The following NSD2 variants were observed in gnomAD, a reference collection of about 807,000 sequenced individuals.
NSD2 encodes the protein histone-lysine N-methyltransferase NSD2.
Under a neutral mutation model 139.0 loss-of-function variants are expected in NSD2, and 12 were observed. That is an observed-to-expected ratio of 0.09 (90% CI 0.06 to 0.14). The LOEUF (loss-of-function observed/expected upper bound fraction) is 0.14, where lower values mean the gene tolerates loss of function less well. Ranked by LOEUF, NSD2 falls within the 10% of genes least tolerant of loss-of-function variation. The pLI is 1.00. For missense variants in NSD2, 1,155 were observed against 1,745.0 expected, an observed-to-expected ratio of 0.66 and a Z score of 6.02; for synonymous variants, 669 against 648.7, an observed-to-expected ratio of 1.03 and a Z score of -0.48.
In NSD2 at chr4:1,956,240, A is replaced by C; in HGVS notation, c.2881+52A>C. Reference sequence around the variant, plus strand: ...AGACAGCACTCTCGTGCATTTTCTTACCCCTAATTTCTATTTTTTAAAATT... The same window carrying C: ...AGACAGCACTCTCGTGCATTTTCTTCCCCCTAATTTCTATTTTTTAAAATT... On this transcript the variant is annotated intron_variant, in intron 15 of 21. Coordinates refer to ENST00000508803, the MANE Select transcript of NSD2 (RefSeq NM_001042424.3). This position sits in a 1 kb window ranked among gnomAD's most constrained non-coding sequence, Gnocchi z 5.3. 6.9e-7 allele frequency: 1 copy of C among 1,455,566 alleles called. No individual in the cohort carries two copies. The highest frequency in any genetic ancestry group is 9.2e-7 in the Non-Finnish European group (1 of 1,084,122). 90.2% of individuals were successfully genotyped at this position (1,455,566 alleles called of 1,614,324 possible). A position where few individuals can be genotyped will look rare whatever the true frequency, so the allele number is the denominator to read the frequency against.
Position 1,918,288 on chromosome 4 carries a change from G to A in NSD2, c.1075G>A (p.Val359Ile). 1 of 1,614,022 alleles carries A rather than the reference G, an allele frequency of 6.2e-7. No individual in the cohort carries two copies. Among genetic ancestry groups the A allele is most frequent in the Admixed American group, 1.7e-5 (1 of 59,988 alleles). ...VGDQLHLNPQ[V>I]AKEAGIAAES... ...GGACCAGCTTCATCTCAACCCTCAAGTAGCCAAGGAGGCTGGCATTGCTGC... is the reference window on the plus strand; with the variant it reads ...GGACCAGCTTCATCTCAACCCTCAAATAGCCAAGGAGGCTGGCATTGCTGC... The change falls in exon 5 of 22, where the codon GTA becomes ATA. Residue 359 changes from valine (V) to isoleucine (I), a missense_variant. Transcript: ENST00000508803.
At chr4:1,947,829 G>A in intron 9 of NSD2, 1 of 1,049,550 alleles carries the variant, frequency 9.5e-7, no homozygotes, top group East Asian at 5.5e-5. Flanking sequence ...TATTCAAGTT[G>A]TGAAGGGATT....
chr4:1,970,586 G>C (rs564519941), intron 18 of NSD2, among the ~76,000 whole-genome samples: 104 of 152,290 alleles, frequency 6.8e-4, no homozygotes, highest in Non-Finnish European at 1.1e-3. Context: ...GGAGCAGGGA[G>C]AAAGGAGGGT....
intron 21 of NSD2, 85 bp from the exon 22 acceptor site, chr4:1,978,553 C>CA: frequency 2.0e-6 from 3 of 1,519,186 alleles, no homozygotes; most frequent in Non-Finnish European, 1.8e-6. Flanking sequence ...TTTGACCTGA[C>CA]AGTTGTAAGT....
intron 1 of NSD2, among the ~76,000 whole-genome samples, chr4:1,875,071 C>T (rs1714148845): frequency 6.6e-6 from 1 of 152,146 alleles, no homozygotes; most frequent in Admixed American, 6.6e-5. Context: ...AAGCTTTCCT[C>T]CCAGCTCATT....
rs1300478069 is a variant in NSD2, at chr4:1,953,300, A to G, written c.2138-24A>G. 3.7e-6 allele frequency: 6 copies of G among 1,613,882 alleles called. No homozygotes were observed. In the East Asian group the frequency reaches 8.9e-5, roughly 24 times the overall value. ...TCTTGTTCTTTGCACCTCTCTCTCC[A>G]CCCCTTCTTTAACTTTTTGTTAGGG... On this transcript the variant is annotated intron_variant, in intron 11 of 21. Transcript: ENST00000508803.
At position 1,976,583 on chromosome 4, in the gene NSD2, C is replaced by T. The variant is rs376629334; in HGVS notation, c.3730C>T (p.Arg1244Cys). Residue 1244 changes from arginine (R) to cysteine (C), a missense_variant, in exon 21 of 22, where the codon CGC (arginine) becomes TGC (cysteine). Arg to Cys is a radical substitution (Grantham distance 180). This residue lies in a region of NSD2 where 25 missense variants were observed against 75.1 expected (regional missense o/e 0.33). Coordinates refer to ENST00000508803, the MANE Select transcript of NSD2 (RefSeq NM_001042424.3). The surrounding 1 kb of genome is among the most constrained non-coding windows in gnomAD (Gnocchi z 5.3). ...GAGGCAGTCAGAGGACGAGTGCTTCCGCTGCGGTGATGGCGGGCAGCTGGT... is the reference window on the plus strand; with the variant it reads ...GAGGCAGTCAGAGGACGAGTGCTTCTGCTGCGGTGATGGCGGGCAGCTGGT... ...GKRQSEDECFRCGDGGQLVLC... is the reference protein window; with the variant it reads ...GKRQSEDECFCCGDGGQLVLC... 6 of 1,612,850 alleles carry T rather than the reference C, an allele frequency of 3.7e-6. No homozygotes were observed. The highest frequency in any genetic ancestry group is 2.2e-5 in the East Asian group (1 of 44,822).
At chr4:1,873,701 A>C (rs1714040760) in intron 1 of NSD2, among the ~76,000 whole-genome samples, 1 of 152,250 alleles carries the variant, frequency 6.6e-6, no homozygotes, top group Admixed American at 6.5e-5. Context: ...CAGAATGTGA[A>C]CTTTTTTTGT....
chr4:1,939,522 G>C, intron 8 of NSD2, 132 bp from the exon 9 acceptor site: 1 of 955,468 alleles, frequency 1.0e-6, no homozygotes, highest in Non-Finnish European at 1.6e-6. Flanking sequence ...ATGATAGAAA[G>C]TTAAGCCAGA....
chr4:1,877,176 T>C (rs1714324652), intron 1 of NSD2, among the ~76,000 whole-genome samples: 1 of 152,196 alleles, frequency 6.6e-6, no homozygotes, highest in Admixed American at 6.5e-5. Flanking sequence ...AGAGGATCTG[T>C]GCATGTTAGC....
intron 9 of NSD2, chr4:1,946,526 C>G: frequency 1.0e-6 from 1 of 1,004,922 alleles, no homozygotes; most frequent in Non-Finnish European, 1.2e-6. Flanking sequence ...GCCTCACCCT[C>G]CCAAAATGCT....
chr4:1,904,985 C>T (rs1378727378), intron 3 of NSD2, among the ~76,000 whole-genome samples: 1 of 152,102 alleles, frequency 6.6e-6, no homozygotes, highest in Non-Finnish European at 1.5e-5. Flanking sequence ...ACAAAATTAG[C>T]CGGACGTGGT....
At chr4:1,940,149 G>A (rs1006659513) in intron 9 of NSD2, 1 of 1,132,086 alleles carries the variant, frequency 8.8e-7, no homozygotes. Flanking sequence ...CACAGTGTCA[G>A]TTGAGCTGAC....
At chr4:1,945,717 G>C in intron 9 of NSD2, 1 of 1,063,612 alleles carries the variant, frequency 9.4e-7, no homozygotes, top group African/African-American at 1.6e-5. Flanking sequence ...GAGTTGAAAG[G>C]GTTGCCTTGG....
At chr4:1,925,215 T>C (rs1720707485) in intron 5 of NSD2, among the ~76,000 whole-genome samples, 2 of 152,092 alleles carry the variant, frequency 1.3e-5, no homozygotes, top group African/African-American at 4.8e-5. Context: ...CACACAAGGA[T>C]GGTTTTTGTT....
chr4:1,916,244 C>T (rs1486802138), intron 3 of NSD2, among the ~76,000 whole-genome samples: 1 of 152,228 alleles, frequency 6.6e-6, no homozygotes, highest in African/African-American at 2.4e-5. Context: ...TCTCTCACTC[C>T]TTTCTTGCAC....
chr4:1,944,560 T>A (rs1723425433), intron 9 of NSD2: 1 of 1,064,708 alleles, frequency 9.4e-7, no homozygotes, highest in Non-Finnish European at 1.1e-6. Context: ...GTGTAAAACT[T>A]GAGGCATTCA....
At chr4:1,953,082 A>C (rs748767363) in intron 11 of NSD2, 1 of 1,481,274 alleles carries the variant, frequency 6.8e-7, no homozygotes, top group East Asian at 2.5e-5. Flanking sequence ...CAGGCTGCCT[A>C]GTAAGATTCT....
chr4:1,943,655 T>C, intron 9 of NSD2: 1 of 1,048,304 alleles, frequency 9.5e-7, no homozygotes, highest in Non-Finnish European at 1.2e-6. Flanking sequence ...GCCCCAAAGA[T>C]GGTCTAGGAG....
Sources: allele counts gnomAD v4.1 joint callset (sites outside exome capture counted in the v4.1 genomes callset), GRCh38; gene constraint gnomAD v4.1.1; regional missense constraint gnomAD v4.1.1; non-coding constraint Gnocchi (gnomAD v3.1); transcripts MANE v1.5; gene names NCBI Gene and HGNC (gene_info 2026-07-23, HGNC 2026-07-21).